The following LRRTM4 variants were observed in gnomAD, a reference collection of about 807,000 sequenced individuals.
The protein encoded by LRRTM4 is leucine-rich repeat transmembrane neuronal protein 4.
LRRTM4 carries 25 observed loss-of-function variants against 47.6 expected under a neutral mutation model. That is an observed-to-expected ratio of 0.53 (90% CI 0.38 to 0.73). LRRTM4 has a LOEUF of 0.73. LRRTM4 is among the 30% of genes least tolerant of loss of function. The pLI is 0.00. For missense variants in LRRTM4, 638 were observed against 713.4 expected (o/e 0.89, Z 1.20); for synonymous variants, 311 against 269.5 (o/e 1.15, Z -1.51).
chr2:76,954,939 A>G (rs13414920), intron 3 of LRRTM4, among the ~76,000 whole-genome samples: 1 of 151,442 alleles, frequency 6.6e-6, no homozygotes, highest in Non-Finnish European at 1.5e-5. Context: ...AAAACAAAAC[A>G]AAAAAACCGC....
chr2:77,309,316 A>G (rs2104190949), intron 3 of LRRTM4, among the ~76,000 whole-genome samples: 1 of 152,292 alleles, frequency 6.6e-6, no homozygotes, highest in Middle Eastern at 3.4e-3. Context: ...AGGAAACGTG[A>G]AAATATGAGA....
At chr2:76,917,493 G>T (rs1674292544) in intron 3 of LRRTM4, among the ~76,000 whole-genome samples, 1 of 152,012 alleles carries the variant, frequency 6.6e-6, no homozygotes, top group Admixed American at 6.6e-5. Flanking sequence ...CTTCCTCCAG[G>T]CCATTTACCT....
intron 3 of LRRTM4, among the ~76,000 whole-genome samples, chr2:77,143,068 T>G (rs1425723140): frequency 6.6e-6 from 1 of 152,196 alleles, no homozygotes; most frequent in African/African-American, 2.4e-5. Context: ...ACACAAGCCA[T>G]TTATCAAATG....
chr2:77,429,990 C>T (rs957279989), intron 3 of LRRTM4, among the ~76,000 whole-genome samples: 1 of 152,040 alleles, frequency 6.6e-6, no homozygotes, highest in Non-Finnish European at 1.5e-5. Context: ...CACTTGGACC[C>T]AGGAGGCGGA....
intron 3 of LRRTM4, among the ~76,000 whole-genome samples, chr2:76,806,827 A>G (rs1192449551): frequency 6.6e-6 from 1 of 152,150 alleles, no homozygotes; most frequent in Admixed American, 6.5e-5. Context: ...AGGATTTTTA[A>G]TATATATTGG....
chr2:77,083,637 G>C (rs1283112738), intron 3 of LRRTM4, among the ~76,000 whole-genome samples: 1 of 151,844 alleles, frequency 6.6e-6, no homozygotes, highest in African/African-American at 2.4e-5. Context: ...ACATACTGTA[G>C]TTTTCTACTT....
At chr2:76,837,097 C>A (rs1671536040) in intron 3 of LRRTM4, among the ~76,000 whole-genome samples, 1 of 152,078 alleles carries the variant, frequency 6.6e-6, no homozygotes, top group Admixed American at 6.6e-5. Context: ...CAACTTCTTC[C>A]TGGTTTAGTC....
rs185185556 is a variant in LRRTM4, at chr2:77,447,862, T to C, written c.1551+70456A>G. On this transcript the variant is annotated intron_variant, in intron 3 of 3. Transcript: ENST00000409884. ...ATGTTGGCAAACATTCCTCGTGTTG[T>C]TGGATTTAGCTCACTGTTTCCACAC... Among the ~76,000 whole-genome samples, 361 of 152,242 alleles carry C rather than the reference T, an allele frequency of 2.4e-3. 4 individuals are homozygous for C. Among genetic ancestry groups the C allele is most frequent in the South Asian group, 1.7e-3 (8 of 4,820 alleles).
intron 3 of LRRTM4, among the ~76,000 whole-genome samples, chr2:77,089,837 A>G (rs1342068479): frequency 1.3e-5 from 2 of 152,140 alleles, no homozygotes; most frequent in Non-Finnish European, 2.9e-5. Context: ...CAATATCTAA[A>G]TAATTCTTGT....
chr2:77,442,342 T>C (rs952233425), intron 3 of LRRTM4, among the ~76,000 whole-genome samples: 1 of 152,154 alleles, frequency 6.6e-6, no homozygotes, highest in African/African-American at 2.4e-5. Context: ...CTAAGGAGTA[T>C]ATAAAAAAGT....
chr2:77,340,927 A>G (rs1671349977), intron 3 of LRRTM4, among the ~76,000 whole-genome samples: 1 of 151,948 alleles, frequency 6.6e-6, no homozygotes, highest in Non-Finnish European at 1.5e-5. Context: ...CTCATAAAAT[A>G]CCTCTGAGTC....
At chr2:77,184,277 A>T (rs373118963) in intron 3 of LRRTM4, among the ~76,000 whole-genome samples, 1 of 152,098 alleles carries the variant, frequency 6.6e-6, no homozygotes, top group African/African-American at 2.4e-5. Flanking sequence ...AGTCTAATGA[A>T]GTACTAAAAT....
At chr2:77,475,092 G>C (rs1677334767) in intron 3 of LRRTM4, among the ~76,000 whole-genome samples, 1 of 151,976 alleles carries the variant, frequency 6.6e-6, no homozygotes, top group East Asian at 1.9e-4. Context: ...TTTGTGACCA[G>C]GATAGAAAAT....
intron 3 of LRRTM4, among the ~76,000 whole-genome samples, chr2:76,898,089 T>C (rs891822192): frequency 2.0e-5 from 3 of 152,172 alleles, no homozygotes; most frequent in Non-Finnish European, 4.4e-5. Context: ...AGAGCACAAG[T>C]GAGTGGTAAG....
chr2:77,034,493 A>G (rs112999359), intron 3 of LRRTM4, among the ~76,000 whole-genome samples: 2,127 of 152,050 alleles, frequency 0.014, 58 homozygotes, highest in African/African-American at 0.049. Context: ...GCTTCTGTTC[A>G]ATCTGCAGAT....
intron 3 of LRRTM4, among the ~76,000 whole-genome samples, chr2:77,062,166 A>T (rs1195870590): frequency 6.6e-6 from 1 of 152,156 alleles, no homozygotes; most frequent in African/African-American, 2.4e-5. Context: ...GGCAGGCATA[A>T]CTTTCTGCAT....
intron 3 of LRRTM4, among the ~76,000 whole-genome samples, chr2:77,423,964 T>C (rs1008958687): frequency 6.6e-6 from 1 of 152,182 alleles, no homozygotes; most frequent in African/African-American, 2.4e-5. Flanking sequence ...TTCAGCTGTA[T>C]CCATTAAGCT....
intron 3 of LRRTM4, among the ~76,000 whole-genome samples, chr2:76,766,079 G>C (rs1478295822): frequency 1.3e-5 from 2 of 152,128 alleles, no homozygotes; most frequent in African/African-American, 4.8e-5. Flanking sequence ...CCAGATACTG[G>C]GATCTTTCTC....
At position 76,979,248 on chromosome 2, in the gene LRRTM4, G is replaced by A. The variant is rs527629811; in HGVS notation, c.1552-230332C>T. On this transcript the variant is annotated intron_variant, in intron 3 of 3. Transcript: ENST00000409884. ...TCATTGGAATTCTGCATGAGTAAGT[G>A]TACACAAGAACAAGTAGGGTGTCTA... Among the ~76,000 whole-genome samples, 65 of 152,076 alleles carry A rather than the reference G, an allele frequency of 4.3e-4. No individual in the cohort carries two copies. The South Asian group carries it at 0.013, about 31-fold the overall frequency.
Sources: gnomAD v4.1 joint callset for allele counts (sites outside exome capture counted in the v4.1 genomes callset) on GRCh38, gnomAD v4.1.1 for gene constraint, MANE v1.5 for transcripts, NCBI Gene and HGNC (gene_info 2026-07-23, HGNC 2026-07-21) for gene names.